NLRP7: variants seen among roughly 807,000 people sequenced by gnomAD.
The protein encoded by NLRP7 is NACHT, LRR and PYD domains-containing protein 7.
In NLRP7, 72 loss-of-function variants were observed where a neutral mutation model predicts 85.5. The ratio of observed to expected loss-of-function variants is 0.84; its 90% CI spans 0.70 to 1.02. NLRP7 has a LOEUF of 1.02. Ranked by LOEUF, NLRP7 falls within the 50% of genes least tolerant of loss-of-function variation. NLRP7 has a pLI of 0.00. For synonymous variants in NLRP7, 550 were observed against 505.2 expected, an observed-to-expected ratio of 1.09 and a Z score of -1.19; for missense variants, 1,243 against 1,219.5, an observed-to-expected ratio of 1.02 and a Z score of -0.29.
chr19:54,930,541 C>T, exon 9 of NLRP7: 2 of 1,611,676 alleles, frequency 1.2e-6, no homozygotes, highest in African/African-American at 2.7e-5. Context: ...TAATGCCTGA[C>T]AGAGAATCCA....
chr19:54,941,516 A>G (rs919855790), exon 2 of NLRP7: 2 of 1,613,896 alleles, frequency 1.2e-6, no homozygotes, highest in East Asian at 4.5e-5. Context: ...TTCCTTATCC[A>G]ATTTTCTGAG....
chr19:54,931,830 C>G (rs542847292), intron 8 of NLRP7, among the ~76,000 whole-genome samples: 3 of 128,088 alleles, frequency 2.3e-5, no homozygotes, highest in Admixed American at 8.0e-5. Context: ...AGCCTGGTGA[C>G]AGAGAGAGAC....
At chr19:54,958,085 G>GT (rs1208142787) in intron 1 of NLRP7, among the ~76,000 whole-genome samples, 2 of 152,078 alleles carry the variant, frequency 1.3e-5, no homozygotes, top group Non-Finnish European at 2.9e-5. Context: ...TATGGTGGCA[G>GT]GAGCCTGTAA....
At chr19:54,939,560 G>A (rs2069113441) in exon 4 of NLRP7, 3 of 1,612,602 alleles carry the variant, frequency 1.9e-6, no homozygotes, top group Admixed American at 1.7e-5. Flanking sequence ...CAGGCCCTGC[G>A]CGGCCAGGAG....
chr19:54,926,123 G>A (rs543993743), intron 9 of NLRP7, among the ~76,000 whole-genome samples: 14 of 152,158 alleles, frequency 9.2e-5, no homozygotes, highest in Admixed American at 5.9e-4. Flanking sequence ...ACAACTAAGG[G>A]AGCATCTGTA....
At chr19:54,947,572 T>C (rs1214211050), upstream of NLRP7, 15 of 1,289,566 alleles carry the variant, frequency 1.2e-5, no homozygotes, top group Non-Finnish European at 1.3e-5. Context: ...GAGACAGCTT[T>C]CCCGCCCAGG....
At chr19:54,950,438 G>C (rs532920047), upstream of NLRP7, among the ~76,000 whole-genome samples, 6 of 152,278 alleles carry the variant, frequency 3.9e-5, no homozygotes, top group East Asian at 1.2e-3. Flanking sequence ...GCCAGCTTCT[G>C]AGTTCCCTTA....
At chr19:54,950,646 C>T (rs565876981), upstream of NLRP7, among the ~76,000 whole-genome samples, 66 of 151,900 alleles carry the variant, frequency 4.3e-4, no homozygotes, top group Admixed American at 4.0e-3. Flanking sequence ...TATTGCTGCC[C>T]GCATGTCCCA....
At chr19:54,943,969 TAA>T (rs1260481333) in intron 1 of NLRP7, among the ~76,000 whole-genome samples, 2 of 152,010 alleles carry the variant, frequency 1.3e-5, no homozygotes, top group Non-Finnish European at 2.9e-5. Flanking sequence ...GCATGCTTGT[TAA>T]AAGTCATCAC....
At chr19:54,939,046 G>C in exon 4 of NLRP7, 7 of 1,614,212 alleles carry the variant, frequency 4.3e-6, no homozygotes, top group Non-Finnish European at 5.9e-6. Context: ...AAATTTCCTT[G>C]AACGGGGCCA....
intron 1 of NLRP7, among the ~76,000 whole-genome samples, chr19:54,964,461 C>T (rs1300344856): frequency 2.0e-5 from 3 of 151,622 alleles, no homozygotes; most frequent in African/African-American, 7.2e-5. Context: ...CGTGATCCAC[C>T]TGCCTCGGCC....
intron 1 of NLRP7, among the ~76,000 whole-genome samples, chr19:54,963,136 C>T (rs554767293): frequency 3.9e-5 from 6 of 152,118 alleles, no homozygotes; most frequent in South Asian, 4.2e-4. Flanking sequence ...TGGCTCACAC[C>T]GGAAATCCCA....
upstream of NLRP7, among the ~76,000 whole-genome samples, chr19:54,950,956 G>A (rs543514334): frequency 1.5e-3 from 229 of 152,310 alleles, 1 homozygote; most frequent in African/African-American, 5.2e-3. Context: ...GCGGCCTTCC[G>A]CAGTGTTTGT....
chr19:54,953,507 C>A (rs1444988266), intron 1 of NLRP7: 1 of 151,794 alleles, frequency 6.6e-6, no homozygotes, highest in African/African-American at 2.4e-5. Context: ...AACTACCAGG[C>A]CCAGGGTGTG....
At position 54,934,230 on chromosome 19, in the gene NLRP7, C is replaced by T. The variant is rs139640105; in HGVS notation, c.2471+259G>A. Reference sequence around the variant, plus strand: ...TGCTGGGATTACAGGCATGAGCCACCGCACCCGGCCTGTTTTTGGTATTTT... The same window carrying T: ...TGCTGGGATTACAGGCATGAGCCACTGCACCCGGCCTGTTTTTGGTATTTT... On this transcript the variant is annotated intron_variant, in intron 7 of 9. Coordinates refer to ENST00000340844, the Ensembl canonical transcript of NLRP7. The surrounding 1 kb of genome is among the most constrained non-coding windows in gnomAD (Gnocchi z 6.7). Among the ~76,000 whole-genome samples, 253 of 152,218 alleles carry T rather than the reference C, an allele frequency of 1.7e-3. No homozygotes were observed. Among genetic ancestry groups the T allele is most frequent in the South Asian group, 3.7e-3 (18 of 4,824 alleles).
intron 1 of NLRP7, among the ~76,000 whole-genome samples, chr19:54,942,053 A>G (rs904369824): frequency 6.6e-6 from 1 of 151,774 alleles, no homozygotes; most frequent in African/African-American, 2.4e-5. Context: ...GGAGATCGAG[A>G]CCATCCTGGC....
chr19:54,929,663 T>C (rs1230267899), intron 9 of NLRP7, among the ~76,000 whole-genome samples: 3 of 152,128 alleles, frequency 2.0e-5, no homozygotes, highest in Non-Finnish European at 4.4e-5. Context: ...AGAAGCAGCA[T>C]GCTGCTGAAG....
intron 1 of NLRP7, among the ~76,000 whole-genome samples, chr19:54,944,612 G>A (rs577468357): frequency 1.2e-4 from 18 of 151,826 alleles, no homozygotes; most frequent in Admixed American, 2.0e-4. Context: ...TCAGTCTCTC[G>A]TCCCACCTGA....
In NLRP7 at chr19:54,962,981, T is replaced by C. The variant is rs150641771; in HGVS notation, c.-77+3059A>G. 2.0e-3 allele frequency among the ~76,000 whole-genome samples: 308 copies of C among 152,280 alleles called. 1 individual carries two copies. Among genetic ancestry groups the C allele is most frequent in the African/African-American group, 7.2e-3 (301 of 41,570 alleles). On this transcript the variant is annotated intron_variant, in intron 1 of 2. Transcript: ENST00000587103. ...GCTTCCGGAAGCTGACAGCTGTTTGTGATCTTCAAGACCTCAGACAGGTTT... is the reference window on the plus strand; with the variant it reads ...GCTTCCGGAAGCTGACAGCTGTTTGCGATCTTCAAGACCTCAGACAGGTTT...
Sources: gnomAD v4.1 joint callset for allele counts (sites outside exome capture counted in the v4.1 genomes callset) on GRCh38, gnomAD v4.1.1 for gene constraint, Gnocchi (gnomAD v3.1) non-coding constraint, MANE v1.5 for transcripts, NCBI Gene and HGNC (gene_info 2026-07-23, HGNC 2026-07-21) for gene names.